The following BMP3 variants were observed in gnomAD, a reference collection of about 807,000 sequenced individuals.
The protein encoded by BMP3 is bone morphogenetic protein 3.
BMP3 carries 23 observed loss-of-function variants against 38.1 expected under a neutral mutation model. The ratio of observed to expected loss-of-function variants is 0.60; its 90% CI spans 0.43 to 0.86. BMP3 has a LOEUF of 0.86. Among genes scored for constraint, BMP3 ranks in the 40% least tolerant of loss-of-function variants. The pLI, the probability that BMP3 is intolerant of heterozygous loss-of-function variation, is 0.00. For synonymous variants in BMP3, 258 were observed against 225.7 expected (o/e 1.14, Z -1.28); for missense variants, 628 against 579.6 (o/e 1.08, Z -0.86).
chr4:81,035,781 C>T (rs1312328634), intron 1 of BMP3, among the ~76,000 whole-genome samples: 1 of 151,944 alleles, frequency 6.6e-6, no homozygotes, highest in African/African-American at 2.4e-5. Context: ...CATGGTCAAA[C>T]TTGGAAAACG....
chr4:81,047,950 A>G (rs1189315609), intron 2 of BMP3, among the ~76,000 whole-genome samples: 9 of 8,816 alleles, frequency 1.0e-3, no homozygotes, highest in East Asian at 0.012. Context: ...CTGAAGAGAA[A>G]AAAAAAAAAA....
At chr4:81,043,034 T>G (rs1490615306) in intron 1 of BMP3, among the ~76,000 whole-genome samples, 1 of 152,234 alleles carries the variant, frequency 6.6e-6, no homozygotes, top group Non-Finnish European at 1.5e-5. Context: ...GAATAGAATA[T>G]GTTTCCCATT....
chr4:81,037,966 T>TG (rs1739967022), intron 1 of BMP3, among the ~76,000 whole-genome samples: 1 of 152,076 alleles, frequency 6.6e-6, no homozygotes, highest in African/African-American at 2.4e-5. Context: ...CTCAGAAATA[T>TG]GTGTTTTAAA....
chr4:81,041,354 G>A (rs13107198), intron 1 of BMP3, among the ~76,000 whole-genome samples: 152,161 of 152,350 alleles, frequency 1, 75,987 homozygotes, highest in Non-Finnish European at 1. Context: ...CAAAAATAAA[G>A]TGTTTTAGAA....
Position 81,031,248 on chromosome 4 carries a change from G to A in BMP3, c.-37G>A, listed in dbSNP as rs1423793453. 3.9e-6 allele frequency: 6 copies of A among 1,537,394 alleles called. No homozygotes were observed. The highest frequency in any genetic ancestry group is 5.3e-6 in the Non-Finnish European group (6 of 1,141,758). On this transcript the variant is annotated 5_prime_UTR_variant, in exon 1 of 3. Transcript: ENST00000282701. ...TTGCGCCTTCGGAGTGTCCCGCAGC[G>A]ACGCCGGGAGCCGACGCGCCGCGCG...
intron 2 of BMP3, among the ~76,000 whole-genome samples, chr4:81,047,513 A>G (rs1289382071): frequency 2.0e-5 from 3 of 149,398 alleles, no homozygotes; most frequent in African/African-American, 7.4e-5. Context: ...GTGCACTTCC[A>G]TTCTCAGCTT....
In BMP3 at chr4:81,046,285, G is replaced by A. The variant is rs17005033; in HGVS notation, c.864G>A (p.Lys288=). The A allele has an allele frequency of 8.7e-3, 14,080 of 1,614,030 alleles. 939 individuals carry two copies. In the African/African-American group the frequency reaches 0.15, roughly 18 times the overall value. Residue 288 remains lysine, a synonymous_variant, in exon 2 of 3, where the codon AAG becomes AAA. Coordinates refer to ENST00000282701, the MANE Select transcript of BMP3 (RefSeq NM_001201.5). ...RAALSIERRK[K]RSTGVLLPLQ... ...CCCTTTCCATTGAGCGGAGGAAGAA[G>A]CGCTCTACTGGGGTCTTGCTGCCTC...
chr4:81,046,444 G>A lies in BMP3; in HGVS notation c.1023G>A (p.Gly341=), dbSNP rs2109909698. The change falls in exon 2 of 3, where the codon GGG becomes GGA. Residue 341 remains glycine (G), a synonymous_variant. Coordinates refer to ENST00000282701, the MANE Select transcript of BMP3 (RefSeq NM_001201.5). ...KSKNKKKQRK[G]PHRKSQTLQF... ...AGAATAAAAAGAAACAGAGAAAGGG[G>A]CCTCATCGGAAGAGCCAGACGCTCC... 6.2e-7 allele frequency: 1 copy of A among 1,613,926 alleles called. No homozygotes were observed. The highest frequency in any genetic ancestry group is 8.5e-7 in the Non-Finnish European group (1 of 1,179,968).
intron 1 of BMP3, 79 bp downstream of exon 1, chr4:81,031,679 G>T: frequency 6.9e-7 from 1 of 1,441,396 alleles, no homozygotes; most frequent in Non-Finnish European, 9.1e-7. Flanking sequence ...TTCCTTGTCT[G>T]CCCCTTGCTT....
At chr4:81,040,452 G>A (rs981403489) in intron 1 of BMP3, among the ~76,000 whole-genome samples, 2 of 152,138 alleles carry the variant, frequency 1.3e-5, no homozygotes, top group Non-Finnish European at 2.9e-5. Context: ...CAGTTTGAAA[G>A]TCATGACTTA....
chr4:81,044,745 G>A (rs762694899), intron 1 of BMP3, among the ~76,000 whole-genome samples: 2 of 152,086 alleles, frequency 1.3e-5, no homozygotes, highest in Non-Finnish European at 2.9e-5. Flanking sequence ...TCCATGTCTT[G>A]CTTTCATTTA....
intron 2 of BMP3, among the ~76,000 whole-genome samples, chr4:81,049,733 T>C (rs1056550790): frequency 6.6e-6 from 1 of 152,174 alleles, no homozygotes; most frequent in Non-Finnish European, 1.5e-5. Context: ...TTAATAAACA[T>C]CCCTGTTATC....
At chr4:81,032,207 A>AAAAC (rs1739795251) in intron 1 of BMP3, among the ~76,000 whole-genome samples, 2 of 150,188 alleles carry the variant, frequency 1.3e-5, no homozygotes, top group African/African-American at 2.4e-5. Context: ...AAAAAAAAAA[A>AAAAC]AAAAAAAAAA....
intron 1 of BMP3, among the ~76,000 whole-genome samples, chr4:81,036,279 A>T (rs1442344952): frequency 1.3e-5 from 2 of 152,006 alleles, no homozygotes; most frequent in Non-Finnish European, 2.9e-5. Flanking sequence ...TTGATGAAAG[A>T]CACATTTACT....
intron 1 of BMP3, among the ~76,000 whole-genome samples, chr4:81,032,303 A>G (rs7680476): frequency 0.011 from 1,609 of 151,364 alleles, 29 homozygotes; most frequent in African/African-American, 0.036. Flanking sequence ...GCTGGGAGAC[A>G]AGGGGAGGGA....
chr4:81,045,693 T>C (rs758393130), intron 1 of BMP3, 45 bp from the exon 2 acceptor site: 39 of 1,420,858 alleles, frequency 2.7e-5, no homozygotes, highest in Admixed American at 8.9e-5. Context: ...AGTGAAGTAA[T>C]GGTCTTGTTT....
rs1740605200 is a variant in BMP3, at chr4:81,057,490, G to A, written c.*3954G>A. On this transcript the variant is annotated 3_prime_UTR_variant, in exon 3 of 3. Coordinates refer to ENST00000282701, the MANE Select transcript of BMP3 (RefSeq NM_001201.5). ...TATCATTTTCTTTCAGTAATGAAAAGCTATTCATTATACAGTATGGAAATA... is the reference window on the plus strand; with the variant it reads ...TATCATTTTCTTTCAGTAATGAAAAACTATTCATTATACAGTATGGAAATA... The A allele has an allele frequency of 6.6e-6, 1 of 151,978 alleles. No homozygotes were observed. Among genetic ancestry groups the A allele is most frequent in the African/African-American group, 2.4e-5 (1 of 41,398 alleles). The allele number at this position is 151,978 out of a possible 1,614,324, so 9.4% of individuals were successfully genotyped here.
rs1171906406 is a variant in BMP3, at chr4:81,030,898, C to T, written c.-387C>T. The T allele has an allele frequency of 4.6e-6, 1 of 215,664 alleles. No individual in the cohort carries two copies. The highest frequency in any genetic ancestry group is 5.7e-5 in the Admixed American group (1 of 17,662). 13.4% of individuals were successfully genotyped at this position (215,664 alleles called of 1,614,324 possible). A position where few individuals can be genotyped will look rare whatever the true frequency, so the allele number is the denominator to read the frequency against. ...CCTGGCGCCCAAAACAGAGCTAGTC[C>T]TAGTCCCTCGCGCGGCCAGTTTGGC... is the stretch of plus-strand genomic sequence containing the variant. On this transcript the variant is annotated 5_prime_UTR_variant, in exon 1 of 3. Transcript: ENST00000282701.
At chr4:81,032,137 C>T (rs533708286) in intron 1 of BMP3, among the ~76,000 whole-genome samples, 1 of 145,106 alleles carries the variant, frequency 6.9e-6, no homozygotes, top group Admixed American at 7.0e-5. Context: ...GCTCCTAATT[C>T]GCGCCCTTTG....
Sources: allele counts gnomAD v4.1 joint callset (sites outside exome capture counted in the v4.1 genomes callset), GRCh38; gene constraint gnomAD v4.1.1; transcripts MANE v1.5; gene names NCBI Gene and HGNC (gene_info 2026-07-23, HGNC 2026-07-21).